The following SNTG1 variants were observed in gnomAD, a reference collection of about 807,000 sequenced individuals.
SNTG1 encodes gamma-1-syntrophin.
Under a neutral mutation model 74.7 loss-of-function variants are expected in SNTG1, and 39 were observed. The observed-to-expected ratio is 0.52, with a 90% CI of 0.40 to 0.68. The LOEUF (loss-of-function observed/expected upper bound fraction) is 0.68. Among genes scored for constraint, SNTG1 ranks in the 30% least tolerant of loss-of-function variants. The probability of loss-of-function intolerance (pLI) is 0.00; values close to 1 mark genes in which losing one functional copy is unlikely to be tolerated. For missense variants in SNTG1, 685 were observed against 609.5 expected (o/e 1.12, Z -1.30); for synonymous variants, 254 against 217.1 (o/e 1.17, Z -1.49).
chr8:50,066,378 T>C lies in SNTG1; in HGVS notation c.-102-106183T>C, dbSNP rs140953441. Reference sequence around the variant, plus strand: ...ATATATATATAAACAATTACCATAGTCAAGCTAATTAACATACTCATCATC... The same window carrying C: ...ATATATATATAAACAATTACCATAGCCAAGCTAATTAACATACTCATCATC... On this transcript the variant is annotated intron_variant, in intron 1 of 18. Coordinates refer to ENST00000642720, the MANE Select transcript of SNTG1 (RefSeq NM_018967.5). 3.6e-3 allele frequency among the ~76,000 whole-genome samples: 548 copies of C among 152,304 alleles called. 3 individuals are homozygous for C. Among genetic ancestry groups the C allele is most frequent in the African/African-American group, 0.013 (526 of 41,564 alleles).
At chr8:50,166,144 G>A (rs1269904063) in intron 1 of SNTG1, among the ~76,000 whole-genome samples, 3 of 52,200 alleles carry the variant, frequency 5.7e-5, no homozygotes, top group Admixed American at 2.3e-4. Context: ...AGATTTAAAC[G>A]TTAGACCTAA....
intron 2 of SNTG1, among the ~76,000 whole-genome samples, chr8:50,195,264 C>T (rs1191302388): frequency 2.0e-5 from 3 of 151,892 alleles, no homozygotes; most frequent in Admixed American, 1.3e-4. Context: ...CCCATGCAAA[C>T]CTAAGGGCTG....
chr8:50,482,892 C>G (rs948895120), intron 8 of SNTG1, among the ~76,000 whole-genome samples: 15 of 152,216 alleles, frequency 9.9e-5, no homozygotes, highest in African/African-American at 3.6e-4. Flanking sequence ...GCCTGAAGCT[C>G]AGAGCATGAA....
chr8:50,565,273 CA>C (rs767337408), intron 12 of SNTG1, among the ~76,000 whole-genome samples: 41 of 145,786 alleles, frequency 2.8e-4, no homozygotes, highest in Non-Finnish European at 4.6e-4. Context: ...CCAGGAACAG[CA>C]AAAAAAAAAT....
intron 1 of SNTG1, among the ~76,000 whole-genome samples, chr8:49,912,725 A>G (rs772052976): frequency 1.2e-4 from 19 of 152,282 alleles, no homozygotes; most frequent in Non-Finnish European, 2.2e-4. Flanking sequence ...CTCCATGCCA[A>G]CCTCCAAGTA....
chr8:49,994,260 T>C (rs1356520551), intron 1 of SNTG1, among the ~76,000 whole-genome samples: 1 of 146,188 alleles, frequency 6.8e-6, no homozygotes, highest in Admixed American at 6.8e-5. Flanking sequence ...ATTCTTCTTT[T>C]TTTTTTTTTT....
intron 1 of SNTG1, among the ~76,000 whole-genome samples, chr8:49,960,705 C>A (rs59814912): frequency 0.023 from 3,486 of 152,146 alleles, 134 homozygotes; most frequent in African/African-American, 0.077. Context: ...ACAAGGTCAT[C>A]ATGAGGAAAG....
intron 1 of SNTG1, among the ~76,000 whole-genome samples, chr8:49,994,976 A>G (rs1814069497): frequency 6.7e-6 from 1 of 150,234 alleles, no homozygotes; most frequent in Non-Finnish European, 1.5e-5. Flanking sequence ...TAGTAATTGC[A>G]TAGCCAAATC....
intron 1 of SNTG1, among the ~76,000 whole-genome samples, chr8:50,034,996 A>G (rs931499534): frequency 6.6e-6 from 1 of 152,100 alleles, no homozygotes. Flanking sequence ...GCACAGAACA[A>G]TCTGCACTCC....
chr8:50,590,882 A>G lies in SNTG1; in HGVS notation c.814A>G (p.Lys272Glu). The change falls in exon 13 of 19, where the codon AAA (lysine) becomes GAA (glutamate). Residue 272 changes from lysine to glutamate, a missense_variant. Physicochemically the swap from Lys to Glu is moderately conservative, Grantham distance 56. Transcript: ENST00000642720. ...NISNLTKHNI[K>E]KINRNFPVNQ... ...TATTATTTATTTATCATTGCAGATT[A>G]AAAAAATCAACAGAAACTTTCCTGT... The G allele has an allele frequency of 1.3e-6, 2 of 1,560,340 alleles. No individual in the cohort carries two copies. Among genetic ancestry groups the G allele is most frequent in the East Asian group, 4.6e-5 (2 of 43,104 alleles).
intron 1 of SNTG1, among the ~76,000 whole-genome samples, chr8:50,089,044 G>A (rs377553753): frequency 6.6e-6 from 1 of 151,648 alleles, no homozygotes; most frequent in Non-Finnish European, 1.5e-5. Flanking sequence ...CATGGTACTG[G>A]TACCAAAACA....
chr8:50,260,038 A>G (rs1262733374), intron 2 of SNTG1, among the ~76,000 whole-genome samples: 1 of 152,150 alleles, frequency 6.6e-6, no homozygotes, highest in East Asian at 1.9e-4. Flanking sequence ...AAGATTGGAG[A>G]AAAAATCCCT....
At chr8:50,552,379 C>G (rs919630841) in intron 11 of SNTG1, among the ~76,000 whole-genome samples, 1 of 152,098 alleles carries the variant, frequency 6.6e-6, no homozygotes, top group African/African-American at 2.4e-5. Flanking sequence ...AAACAAAAGT[C>G]AATAAAATAC....
In SNTG1 at chr8:50,695,177, T is replaced by TA. The variant is rs577972438; in HGVS notation, c.1039-9414dup. ...TTTGCAGGTGATATGATCTTATATGTAAAAAAAAACCCAAGATCCCCCCAC... is the reference window on the plus strand; with the variant it reads ...TTTGCAGGTGATATGATCTTATATGTAAAAAAAAAACCCAAGATCCCCCCAC... On this transcript the variant is annotated intron_variant, in intron 15 of 18. Transcript: ENST00000642720. Among the ~76,000 whole-genome samples the TA allele has an allele frequency of 7.5e-3, 1,122 of 150,094 alleles. 6 individuals carry two copies. Among genetic ancestry groups the TA allele is most frequent in the Middle Eastern group, 0.017 (5 of 292 alleles).
chr8:50,312,968 A>T (rs1182525995), intron 2 of SNTG1, among the ~76,000 whole-genome samples: 1 of 149,926 alleles, frequency 6.7e-6, no homozygotes, highest in Non-Finnish European at 1.5e-5. Context: ...TAATATTGTT[A>T]AAATGTCCAT....
intron 4 of SNTG1, among the ~76,000 whole-genome samples, chr8:50,407,432 T>C (rs914028896): frequency 6.6e-6 from 1 of 152,110 alleles, no homozygotes; most frequent in Non-Finnish European, 1.5e-5. Flanking sequence ...TATCAGGCAG[T>C]TTACTCATGA....
intron 2 of SNTG1, among the ~76,000 whole-genome samples, chr8:50,278,456 T>A (rs577575264): frequency 1.1e-4 from 16 of 152,220 alleles, no homozygotes; most frequent in African/African-American, 3.6e-4. Flanking sequence ...GAAATGGAAA[T>A]CTCTTCAGAA....
intron 17 of SNTG1, among the ~76,000 whole-genome samples, chr8:50,710,493 G>T (rs1442759792): frequency 6.6e-6 from 1 of 152,094 alleles, no homozygotes; most frequent in Non-Finnish European, 1.5e-5. Flanking sequence ...GTCAAAGTCT[G>T]ATTTTAAAAA....
At chr8:50,721,478 T>G (rs544969168) in intron 17 of SNTG1, among the ~76,000 whole-genome samples, 1 of 152,342 alleles carries the variant, frequency 6.6e-6, no homozygotes, top group African/African-American at 2.4e-5. Context: ...GAAGAAGTGA[T>G]GACTCAGAGC....
Sources: allele counts gnomAD v4.1 joint callset (sites outside exome capture counted in the v4.1 genomes callset), GRCh38; gene constraint gnomAD v4.1.1; transcripts MANE v1.5; gene names NCBI Gene and HGNC (gene_info 2026-07-23, HGNC 2026-07-21).